PCDH15: variants seen among roughly 807,000 people sequenced by gnomAD.
PCDH15 encodes protocadherin-15.
PCDH15 carries 129 observed loss-of-function variants against 178.5 expected under a neutral mutation model. The observed-to-expected ratio is 0.72, with a 90% CI of 0.63 to 0.84. PCDH15 has a LOEUF of 0.84. Ranked by LOEUF, PCDH15 falls within the 40% of genes least tolerant of loss-of-function variation. The pLI is 0.00. For missense variants in PCDH15, 2,230 were observed against 2,099.9 expected, an observed-to-expected ratio of 1.06 and a Z score of -1.21; for synonymous variants, 800 against 732.0, an observed-to-expected ratio of 1.09 and a Z score of -1.50.
At chr10:55,465,937 G>A (rs186235636) in intron 2 of PCDH15, among the ~76,000 whole-genome samples, 2 of 152,110 alleles carry the variant, frequency 1.3e-5, no homozygotes, top group African/African-American at 2.4e-5. Context: ...ATTTTCTGAG[G>A]GGAAAAAACT....
At chr10:54,381,985 T>C (rs954767954) in intron 3 of PCDH15, among the ~76,000 whole-genome samples, 1 of 152,146 alleles carries the variant, frequency 6.6e-6, no homozygotes, top group African/African-American at 2.4e-5. Flanking sequence ...GCATTTCTAC[T>C]ATAATACTAT....
At chr10:55,160,683 A>G (rs1564850497) in intron 2 of PCDH15, among the ~76,000 whole-genome samples, 3 of 152,042 alleles carry the variant, frequency 2.0e-5, no homozygotes, top group Admixed American at 2.0e-4. Flanking sequence ...TTGTTGATGC[A>G]GACTGACTTT....
intron 2 of PCDH15, among the ~76,000 whole-genome samples, chr10:55,626,304 T>C (rs747417104): frequency 1.3e-5 from 2 of 152,148 alleles, no homozygotes. Context: ...TAAGGCCAGA[T>C]CTTGGATCTT....
chr10:53,856,824 A>G (rs2078778184), intron 28 of PCDH15, among the ~76,000 whole-genome samples: 1 of 152,170 alleles, frequency 6.6e-6, no homozygotes. Flanking sequence ...TGTAATGATT[A>G]AAATGACCCA....
intron 2 of PCDH15, among the ~76,000 whole-genome samples, chr10:55,093,488 T>A (rs1591897816): frequency 6.6e-6 from 1 of 152,120 alleles, no homozygotes; most frequent in Non-Finnish European, 1.5e-5. Flanking sequence ...TTGAATTAGA[T>A]CCCATTTGTC....
intron 2 of PCDH15, among the ~76,000 whole-genome samples, chr10:54,573,689 G>T (rs1401403092): frequency 9.2e-5 from 2 of 21,678 alleles, no homozygotes; most frequent in African/African-American, 1.6e-4. Context: ...CTATTAGGTA[G>T]CCTTATCTTT....
chr10:54,615,715 G>C (rs997402408), intron 2 of PCDH15, among the ~76,000 whole-genome samples: 3 of 151,888 alleles, frequency 2.0e-5, no homozygotes, highest in Admixed American at 6.6e-5. Context: ...ATAACAACGT[G>C]TGAAGCATTT....
At chr10:55,143,587 A>G (rs1157779763) in intron 2 of PCDH15, among the ~76,000 whole-genome samples, 1 of 152,056 alleles carries the variant, frequency 6.6e-6, no homozygotes, top group East Asian at 1.9e-4. Context: ...AAATAAATAA[A>G]TAAATTGCTG....
At chr10:54,620,916 A>T (rs1590603271) in intron 2 of PCDH15, among the ~76,000 whole-genome samples, 1 of 152,118 alleles carries the variant, frequency 6.6e-6, no homozygotes, top group East Asian at 1.9e-4. Flanking sequence ...ATAAAAGAAG[A>T]TTTATTACTA....
intron 2 of PCDH15, among the ~76,000 whole-genome samples, chr10:55,142,542 T>C (rs1161387614): frequency 8.8e-6 from 1 of 113,558 alleles, no homozygotes; most frequent in Non-Finnish European, 2.0e-5. Context: ...GTAATTGTAA[T>C]GATACAATTT....
chr10:53,933,423 G>A (rs1479338763), intron 25 of PCDH15, among the ~76,000 whole-genome samples: 1 of 151,266 alleles, frequency 6.6e-6, no homozygotes, highest in Non-Finnish European at 1.5e-5. Context: ...AACATGTGGT[G>A]TTTGGTTTTT....
At chr10:55,545,361 C>T (rs151142467) in intron 2 of PCDH15, among the ~76,000 whole-genome samples, 156 of 151,974 alleles carry the variant, frequency 1.0e-3, no homozygotes, top group African/African-American at 3.6e-3. Context: ...CTGCAACCTC[C>T]GCCTCCCGGG....
rs139179138 is a variant in PCDH15 at position 55,128,578 on chromosome 10, C to A, written c.-80+37998G>T. Among the ~76,000 whole-genome samples, 631 of 151,958 alleles carry A rather than the reference C, an allele frequency of 4.2e-3. 8 individuals carry two copies. Among genetic ancestry groups the A allele is most frequent in the African/African-American group, 0.014 (594 of 41,478 alleles). ...CACACATATTTCTATCAATTGTTAC[C>A]GCACCTTAACCTGTTATTTTTCTTC... is the stretch of plus-strand genomic sequence containing the variant. On this transcript the variant is annotated intron_variant, in intron 2 of 5. Transcript: ENST00000458638.
intron 20 of PCDH15, among the ~76,000 whole-genome samples, chr10:53,996,501 G>A (rs1235460272): frequency 6.6e-6 from 1 of 152,088 alleles, no homozygotes; most frequent in Non-Finnish European, 1.5e-5. Flanking sequence ...TCAGTGCGAG[G>A]CACTGAAGAT....
chr10:53,821,061 T>G, intron 32 of PCDH15: 2 of 951,180 alleles, frequency 2.1e-6, no homozygotes, highest in Non-Finnish European at 2.5e-6. Flanking sequence ...ACAGCACTTT[T>G]TAAGCATCTG....
intron 8 of PCDH15, among the ~76,000 whole-genome samples, chr10:54,242,584 T>G (rs1226701833): frequency 6.6e-6 from 1 of 152,144 alleles, no homozygotes; most frequent in African/African-American, 2.4e-5. Flanking sequence ...AAATAATATC[T>G]ATCATTTACA....
chr10:54,212,787 T>C (rs1312719639), intron 10 of PCDH15, among the ~76,000 whole-genome samples: 2 of 152,158 alleles, frequency 1.3e-5, no homozygotes, highest in African/African-American at 4.8e-5. Context: ...GACAACCATT[T>C]CTAAGTATCT....
Position 55,195,800 on chromosome 10 carries a change from T to A in PCDH15, c.-155-29149A>T, listed in dbSNP as rs139894041. Among the ~76,000 whole-genome samples, 968 of 152,218 alleles carry A rather than the reference T, an allele frequency of 6.4e-3. 19 individuals carry two copies. The highest frequency in any genetic ancestry group is 0.022 in the African/African-American group (931 of 41,484). ...CATGAATGTCATAGATGAGATTTGCTTTTTCATTGTTTTATTAAACATCTG... is the reference window on the plus strand; with the variant it reads ...CATGAATGTCATAGATGAGATTTGCATTTTCATTGTTTTATTAAACATCTG... On this transcript the variant is annotated intron_variant, in intron 1 of 5. Coordinates refer to the PCDH15 transcript ENST00000458638.
At chr10:54,763,869 C>A (rs1248221634) in intron 1 of PCDH15, among the ~76,000 whole-genome samples, 1 of 150,410 alleles carries the variant, frequency 6.6e-6, no homozygotes, top group African/African-American at 2.4e-5. Context: ...ATGATTAGTA[C>A]AGAATATTTA....
Sources: gnomAD v4.1 joint callset for allele counts (sites outside exome capture counted in the v4.1 genomes callset) on GRCh38, gnomAD v4.1.1 for gene constraint, MANE v1.5 for transcripts, NCBI Gene and HGNC (gene_info 2026-07-23, HGNC 2026-07-21) for gene names.